KIF26B: variants seen among roughly 807,000 people sequenced by gnomAD.
KIF26B encodes the protein kinesin family member 26B.
KIF26B carries 63 observed loss-of-function variants against 151.2 expected under a neutral mutation model. The ratio of observed to expected loss-of-function variants is 0.42; its 90% CI spans 0.34 to 0.51. The LOEUF is 0.51. Ranked by LOEUF, KIF26B falls within the 20% of genes least tolerant of loss-of-function variation. The probability of loss-of-function intolerance (pLI) is 0.07; values close to 1 mark genes in which losing one functional copy is unlikely to be tolerated. For synonymous variants in KIF26B, 1,357 were observed against 1,262.1 expected, an observed-to-expected ratio of 1.08 and a Z score of -1.59; for missense variants, 2,813 against 2,913.6, an observed-to-expected ratio of 0.97 and a Z score of 0.79.
In KIF26B at chr1:245,276,170, C is replaced by A. The variant is rs146862799; in HGVS notation, c.466-90664C>A. Among the ~76,000 whole-genome samples, 646 of 152,156 alleles carry A rather than the reference C, an allele frequency of 4.2e-3. 5 individuals carry two copies. Among genetic ancestry groups the A allele is most frequent in the African/African-American group, 0.014 (589 of 41,526 alleles). On this transcript the variant is annotated intron_variant, in intron 2 of 14. Transcript: ENST00000407071. ...CAGCCTGGCCAACATGGGAAAACCT[C>A]GACTCTATTAAAAAATTAGCCAGGT...
chr1:245,370,976 G>C (rs77692138), intron 3 of KIF26B, among the ~76,000 whole-genome samples: 11 of 152,286 alleles, frequency 7.2e-5, no homozygotes, highest in African/African-American at 2.6e-4. Context: ...GAGTGCAGAG[G>C]TGAAGAGATG....
At chr1:245,594,635 T>C (rs1251644413) in intron 5 of KIF26B, among the ~76,000 whole-genome samples, 1 of 152,228 alleles carries the variant, frequency 6.6e-6, no homozygotes, top group East Asian at 1.9e-4. Context: ...TGCTTAGGAT[T>C]GTCTTGGCTA....
chr1:245,156,323 C>G lies in KIF26B; in HGVS notation c.105C>G (p.Phe35Leu). 6.5e-7 allele frequency: 1 copy of G among 1,547,668 alleles called. No homozygotes were observed. The highest frequency in any genetic ancestry group is 1.4e-5 in the African/African-American group (1 of 72,662). ...VCSPTKPAAP[F>L]SPESWYRKAY... is the part of the protein sequence containing the mutation. ...CGCCCACCAAGCCCGCAGCGCCCTT[C>G]TCCCCGGAAAGCTGGTACCGGAAAG... The change falls in exon 2 of 15, where the codon TTC (phenylalanine) becomes TTG (leucine). Residue 35 changes from phenylalanine (F) to leucine (L), a missense_variant. This residue lies in a region of KIF26B where 676 missense variants were observed against 688.1 expected (regional missense o/e 0.98). Coordinates refer to ENST00000407071, the MANE Select transcript of KIF26B (RefSeq NM_018012.4).
At chr1:245,195,775 T>G (rs1669181437) in intron 2 of KIF26B, among the ~76,000 whole-genome samples, 1 of 152,164 alleles carries the variant, frequency 6.6e-6, no homozygotes, top group Admixed American at 6.5e-5. Flanking sequence ...AAAAATAAGA[T>G]AGAAAGTAAA....
At chr1:245,504,514 A>G (rs1660689807) in intron 4 of KIF26B, among the ~76,000 whole-genome samples, 1 of 151,304 alleles carries the variant, frequency 6.6e-6, no homozygotes, top group Non-Finnish European at 1.5e-5. Context: ...AGTGGTACAA[A>G]CACTGCTCAC....
chr1:245,169,023 A>G (rs1668660343), intron 2 of KIF26B, among the ~76,000 whole-genome samples: 1 of 152,180 alleles, frequency 6.6e-6, no homozygotes. Context: ...ATAGCTATTA[A>G]AAGCAGAACT....
intron 2 of KIF26B, among the ~76,000 whole-genome samples, chr1:245,182,014 G>A (rs2103527949): frequency 6.6e-6 from 1 of 152,256 alleles, no homozygotes; most frequent in South Asian, 2.1e-4. Context: ...TTTTAAACGT[G>A]TGCGGGCCTA....
chr1:245,503,734 G>T (rs916454036), intron 4 of KIF26B, among the ~76,000 whole-genome samples: 1 of 152,214 alleles, frequency 6.6e-6, no homozygotes, highest in Non-Finnish European at 1.5e-5. Context: ...AATGGACTTG[G>T]AGCTAGAACT....
At chr1:245,320,028 G>GTGTTT (rs1671856462) in intron 2 of KIF26B, among the ~76,000 whole-genome samples, 1 of 152,206 alleles carries the variant, frequency 6.6e-6, no homozygotes, top group Non-Finnish European at 1.5e-5. Context: ...CGTTAACAAA[G>GTGTTT]TATTTTATGT....
At chr1:245,169,330 T>TGTGTGGGTGTGG (rs1553330289) in intron 2 of KIF26B, among the ~76,000 whole-genome samples, 5 of 142,332 alleles carry the variant, frequency 3.5e-5, no homozygotes, top group Admixed American at 6.8e-5. Context: ...CGGGCCATGG[T>TGTGTGGGTGTGG]GTGTGTGTGT....
chr1:245,214,206 T>G (rs1233901410), intron 2 of KIF26B: 1 of 142,680 alleles, frequency 7.0e-6, no homozygotes, highest in Non-Finnish European at 1.5e-5. Flanking sequence ...AGACCCCATC[T>G]CTACAAAAAG....
chr1:245,538,951 T>C (rs1025784032), intron 4 of KIF26B, among the ~76,000 whole-genome samples: 2 of 152,070 alleles, frequency 1.3e-5, no homozygotes, highest in South Asian at 4.1e-4. Flanking sequence ...CATTGAATAA[T>C]TCCATTTCAC....
intron 4 of KIF26B, among the ~76,000 whole-genome samples, chr1:245,490,550 A>T (rs755857227): frequency 3.9e-5 from 6 of 152,026 alleles, no homozygotes; most frequent in African/African-American, 7.3e-5. Context: ...TGACCTCGTG[A>T]TCCACCCACC....
intron 2 of KIF26B, among the ~76,000 whole-genome samples, chr1:245,279,946 GC>G (rs1671009436): frequency 6.6e-6 from 1 of 151,846 alleles, no homozygotes; most frequent in Admixed American, 6.6e-5. Flanking sequence ...TGATTTGGCT[GC>G]TTAAATCACT....
rs903206048 is a variant in KIF26B, at chr1:245,622,756, G to T, written c.2098+10780G>T. 2.0e-5 allele frequency among the ~76,000 whole-genome samples: 3 copies of T among 152,174 alleles called. No homozygotes were observed. In the South Asian group the frequency reaches 6.2e-4, roughly 32 times the overall value. ...CAGGTATGAGGCTGTAAGCTGGGCC[G>T]CCTGGAAAGATAGGGATCCAGAGGC... On this transcript the variant is annotated intron_variant, in intron 9 of 14. Coordinates refer to ENST00000407071, the MANE Select transcript of KIF26B (RefSeq NM_018012.4).
intron 5 of KIF26B, among the ~76,000 whole-genome samples, chr1:245,557,110 C>A (rs767311224): frequency 6.6e-6 from 1 of 152,188 alleles, no homozygotes; most frequent in Non-Finnish European, 1.5e-5. Context: ...AAGTGCCAGG[C>A]CATGTATGTG....
chr1:245,449,575 T>G (rs141064002), intron 4 of KIF26B, among the ~76,000 whole-genome samples: 4 of 152,334 alleles, frequency 2.6e-5, no homozygotes, highest in South Asian at 4.2e-4. Flanking sequence ...GTTTCCACTT[T>G]GTACTGTTAA....
intron 4 of KIF26B, among the ~76,000 whole-genome samples, chr1:245,479,852 C>A (rs1463126670): frequency 6.6e-6 from 1 of 151,794 alleles, no homozygotes; most frequent in Non-Finnish European, 1.5e-5. Flanking sequence ...AGAAAGGATA[C>A]TCAAATATTT....
intron 2 of KIF26B, among the ~76,000 whole-genome samples, chr1:245,257,319 G>T (rs1448040803): frequency 6.6e-6 from 1 of 152,176 alleles, no homozygotes; most frequent in South Asian, 2.1e-4. Flanking sequence ...ACTTGGGCAC[G>T]CATTCTCAGG....
Sources: allele counts gnomAD v4.1 joint callset (sites outside exome capture counted in the v4.1 genomes callset), GRCh38; gene constraint gnomAD v4.1.1; regional missense constraint gnomAD v4.1.1; transcripts MANE v1.5; gene names NCBI Gene and HGNC (gene_info 2026-07-23, HGNC 2026-07-21).